Variants in IMPA2 observed in about 807,000 individuals in gnomAD.
IMPA2 encodes the protein inositol monophosphatase 2.
A neutral mutation model predicts 35.1 loss-of-function variants in IMPA2; 32 were observed. The observed-to-expected ratio is 0.91, with a 90% CI of 0.69 to 1.23. IMPA2 has a LOEUF of 1.23. Ranked by LOEUF, IMPA2 falls within the 50% of genes most tolerant of loss-of-function variation. IMPA2 has a pLI of 0.00. For missense variants in IMPA2, 334 were observed against 387.6 expected (o/e 0.86, Z 1.16); for synonymous variants, 135 against 160.6 (o/e 0.84, Z 1.20).
intron 1 of IMPA2, among the ~76,000 whole-genome samples, chr18:11,984,295 C>T (rs1040650906): frequency 6.6e-6 from 1 of 152,212 alleles, no homozygotes; most frequent in Non-Finnish European, 1.5e-5. Context: ...ATCATCCCTG[C>T]CCTCCTAGTT....
chr18:12,027,567 ATTTTTT>A (rs138876745), intron 5 of IMPA2, among the ~76,000 whole-genome samples: 2 of 90,980 alleles, frequency 2.2e-5, no homozygotes, highest in East Asian at 3.1e-4. Context: ...AATGATGGTG[ATTTTTT>A]TTTTTTTTTT....
intron 2 of IMPA2, among the ~76,000 whole-genome samples, chr18:12,007,670 T>TCTTTCTTTCTTTCTTTCTTTCTTTCTTTC (rs764225886): frequency 1.0e-5 from 1 of 98,008 alleles, no homozygotes; most frequent in Non-Finnish European, 2.4e-5. Flanking sequence ...TTTCTTTCTT[T>TCTTTCTTTCTTTCTTTCTTTCTTTCTTTC]CTTTCTTTCC....
At chr18:12,013,385 T>C (rs628419) in intron 4 of IMPA2, among the ~76,000 whole-genome samples, 69,071 of 152,060 alleles carry the variant, frequency 0.45, 20,156 homozygotes, top group Non-Finnish European at 0.66. Context: ...ACCTGCAGGC[T>C]CTGAAAAAGC....
chr18:12,013,992 CTTGA>C (rs1226085451), intron 4 of IMPA2, among the ~76,000 whole-genome samples: 1 of 152,124 alleles, frequency 6.6e-6, no homozygotes, highest in Admixed American at 6.5e-5. Flanking sequence ...GTTACTAATA[CTTGA>C]TTATGATGTT....
At chr18:12,009,292 A>C (rs1282607809) in intron 2 of IMPA2, among the ~76,000 whole-genome samples, 1 of 152,048 alleles carries the variant, frequency 6.6e-6, no homozygotes, top group African/African-American at 2.4e-5. Flanking sequence ...ACAACAACAA[A>C]AAAACCAGGG....
At chr18:12,011,346 C>T (rs912520229) in intron 3 of IMPA2, among the ~76,000 whole-genome samples, 3 of 152,178 alleles carry the variant, frequency 2.0e-5, no homozygotes, top group East Asian at 1.9e-4. Flanking sequence ...ACTCAGATGG[C>T]GCCTGTTCAC....
At chr18:11,993,820 A>T (rs1016855833) in intron 1 of IMPA2, among the ~76,000 whole-genome samples, 2 of 152,112 alleles carry the variant, frequency 1.3e-5, no homozygotes, top group African/African-American at 2.4e-5. Context: ...GAGGGAGGAC[A>T]CTCGAGGGGG....
At chr18:12,017,849 C>T in intron 5 of IMPA2, 1 of 336,630 alleles carries the variant, frequency 3.0e-6, no homozygotes, top group Non-Finnish European at 5.8e-6. Context: ...GCCTCGGCCT[C>T]CGAAAGTGCT....
intron 1 of IMPA2, among the ~76,000 whole-genome samples, chr18:11,985,821 A>G (rs1328179744): frequency 6.6e-6 from 1 of 152,188 alleles, no homozygotes; most frequent in African/African-American, 2.4e-5. Context: ...CTATTGAAGC[A>G]AAGTTAGTTC....
At chr18:12,020,412 C>T (rs1039057969) in intron 5 of IMPA2, among the ~76,000 whole-genome samples, 6 of 152,186 alleles carry the variant, frequency 3.9e-5, no homozygotes, top group Admixed American at 2.0e-4. Flanking sequence ...AGGCTGGTCT[C>T]GAACTCCCGA....
intron 1 of IMPA2, among the ~76,000 whole-genome samples, chr18:11,995,380 G>A (rs1178133067): frequency 6.6e-6 from 1 of 152,262 alleles, no homozygotes; most frequent in Non-Finnish European, 1.5e-5. Context: ...ATCCTCTGGG[G>A]CAGAACTTGG....
chr18:11,986,385 C>A (rs146622913), intron 1 of IMPA2, among the ~76,000 whole-genome samples: 4 of 152,316 alleles, frequency 2.6e-5, no homozygotes, highest in Middle Eastern at 3.4e-3. Flanking sequence ...TCTCAGGTGG[C>A]CTTCCCTGTC....
intron 5 of IMPA2, 30 bp from the exon 6 acceptor site, chr18:12,028,013 T>C (rs1907929820): frequency 1.3e-6 from 2 of 1,484,734 alleles, no homozygotes; most frequent in East Asian, 4.5e-5. Context: ...ACTTGATTTT[T>C]CTGGTGACAG....
At chr18:12,023,520 C>T (rs1280026779) in intron 5 of IMPA2, among the ~76,000 whole-genome samples, 1 of 152,326 alleles carries the variant, frequency 6.6e-6, no homozygotes, top group Admixed American at 6.5e-5. Flanking sequence ...CCTACACCAG[C>T]CCTGGCATGG....
At position 12,006,974 on chromosome 18, in the gene IMPA2, A is replaced by T. The variant is rs187661186; in HGVS notation, c.231-2909A>T. ...GTGAAACCCCATCTCTACTAAAGAT[A>T]AAAAAAATTAGCCAGGCGTGTGGCG... is the stretch of plus-strand genomic sequence containing the variant. On this transcript the variant is annotated intron_variant, in intron 2 of 7. Transcript: ENST00000269159. Among the ~76,000 whole-genome samples, 1,220 of 152,200 alleles carry T rather than the reference A, an allele frequency of 8.0e-3. 18 individuals carry two copies. The highest frequency in any genetic ancestry group is 0.028 in the African/African-American group (1,169 of 41,528).
chr18:12,010,308 G>A lies in IMPA2; in HGVS notation c.335+321G>A. The A allele has an allele frequency of 3.9e-6, 1 of 256,846 alleles. No homozygotes were observed. Among genetic ancestry groups the A allele is most frequent in the Non-Finnish European group, 7.5e-6 (1 of 132,870 alleles). 15.9% of individuals were successfully genotyped at this position (256,846 alleles called of 1,614,324 possible). A position where few individuals can be genotyped will look rare whatever the true frequency, so the allele number is the denominator to read the frequency against. ...ACACCCCACCCCCACTGGAGAAAAA[G>A]GTGAGGTTGGGATACAAAGCCTGTG... On this transcript the variant is annotated intron_variant, in intron 3 of 7. Transcript: ENST00000269159. The surrounding 1 kb of genome is among the most constrained non-coding windows in gnomAD (Gnocchi z 4.8).
chr18:12,022,941 ATTTTTTTTTT>A (rs35737614), intron 5 of IMPA2, among the ~76,000 whole-genome samples: 4,210 of 81,914 alleles, frequency 0.051, 235 homozygotes, highest in African/African-American at 0.17. Context: ...CGCCTGCCTA[ATTTTTTTTTT>A]TTTTTTTTTT....
intron 5 of IMPA2, chr18:12,021,696 T>C (rs753097245): frequency 4.6e-5 from 7 of 152,184 alleles, no homozygotes; most frequent in Non-Finnish European, 1.0e-4. Flanking sequence ...TTTGTATGTT[T>C]GGTAGAGATG....
chr18:11,992,212 A>G (rs970956300), intron 1 of IMPA2, among the ~76,000 whole-genome samples: 2 of 152,220 alleles, frequency 1.3e-5, no homozygotes, highest in African/African-American at 4.8e-5. Flanking sequence ...ATTAACCATC[A>G]CAACACATTC....
Sources: gnomAD v4.1 joint callset for allele counts (sites outside exome capture counted in the v4.1 genomes callset) on GRCh38, gnomAD v4.1.1 for gene constraint, Gnocchi (gnomAD v3.1) non-coding constraint, MANE v1.5 for transcripts, NCBI Gene and HGNC (gene_info 2026-07-23, HGNC 2026-07-21) for gene names.